ATP8A1: variants seen among roughly 807,000 people sequenced by gnomAD.
The protein encoded by ATP8A1 is phospholipid-transporting ATPase IA.
Under a neutral mutation model 177.7 loss-of-function variants are expected in ATP8A1, and 90 were observed. The ratio of observed to expected loss-of-function variants is 0.51; its 90% CI spans 0.43 to 0.60. ATP8A1 has a LOEUF of 0.60. Among genes scored for constraint, ATP8A1 ranks in the 20% least tolerant of loss-of-function variants. ATP8A1 has a pLI of 0.00. For missense variants in ATP8A1, 1,072 were observed against 1,392.8 expected (o/e 0.77, Z 3.67); for synonymous variants, 493 against 485.9 (o/e 1.01, Z -0.19).
chr4:42,579,255 T>C (rs1732775157), intron 11 of ATP8A1, among the ~76,000 whole-genome samples: 1 of 151,406 alleles, frequency 6.6e-6, no homozygotes, highest in South Asian at 2.1e-4. Context: ...ACTTACCACA[T>C]TACTGAGTTC....
intron 23 of ATP8A1, 141 bp from the exon 24 acceptor site, chr4:42,503,655 G>C: frequency 1.8e-6 from 1 of 566,796 alleles, no homozygotes; most frequent in East Asian, 3.2e-5. Flanking sequence ...CAGGTTTGTA[G>C]GAAGTTAAAC....
At chr4:42,512,548 C>G (rs1725110854) in intron 22 of ATP8A1, among the ~76,000 whole-genome samples, 2 of 152,170 alleles carry the variant, frequency 1.3e-5, no homozygotes, top group South Asian at 4.1e-4. Context: ...ATTTATATTT[C>G]AGAAAGCTTC....
rs556265632 is a variant in ATP8A1, at chr4:42,492,080, CTCATA to C, written c.2152-6417_2152-6413del. 2.1e-4 allele frequency among the ~76,000 whole-genome samples: 32 copies of C among 152,224 alleles called. No homozygotes were observed. The South Asian group carries it at 2.7e-3, about 13-fold the overall frequency. ...GGCTTCAGTAAATAACATGTGCTCT[CTCATA>C]TATGTCCCAGAGGGTGTCTATCAGT... On this transcript the variant is annotated intron_variant, in intron 24 of 36. Transcript: ENST00000381668.
intron 25 of ATP8A1, among the ~76,000 whole-genome samples, chr4:42,469,112 G>A (rs1432373359): frequency 6.6e-6 from 1 of 151,948 alleles, no homozygotes; most frequent in Non-Finnish European, 1.5e-5. Flanking sequence ...TTTTACCCCA[G>A]TTTATAGTTA....
At chr4:42,591,651 T>G (rs922008431) in intron 6 of ATP8A1, among the ~76,000 whole-genome samples, 2 of 152,154 alleles carry the variant, frequency 1.3e-5, no homozygotes, top group African/African-American at 4.8e-5. Flanking sequence ...AATTAACAGC[T>G]TGAGTTATTT....
At chr4:42,413,642 C>G (rs1333429006) in intron 36 of ATP8A1, among the ~76,000 whole-genome samples, 2 of 152,210 alleles carry the variant, frequency 1.3e-5, no homozygotes, top group African/African-American at 4.8e-5. Context: ...CACATCAGTT[C>G]ATTCTAGTGG....
At chr4:42,460,379 C>CTTTTT (rs35296572) in intron 27 of ATP8A1, among the ~76,000 whole-genome samples, 14 of 94,586 alleles carry the variant, frequency 1.5e-4, no homozygotes, top group Non-Finnish European at 1.8e-4. Context: ...ATGGATGGAT[C>CTTTTT]TTTTTTTTTT....
At chr4:42,498,682 AAAT>A (rs1177968387) in intron 24 of ATP8A1, among the ~76,000 whole-genome samples, 1 of 152,002 alleles carries the variant, frequency 6.6e-6, no homozygotes, top group Non-Finnish European at 1.5e-5. Flanking sequence ...TCTCCTCTAG[AAAT>A]AATAATACTA....
intron 35 of ATP8A1, among the ~76,000 whole-genome samples, chr4:42,417,826 T>G (rs1186484380): frequency 6.6e-6 from 1 of 152,182 alleles, no homozygotes; most frequent in Non-Finnish European, 1.5e-5. Flanking sequence ...TACACTAGGG[T>G]AGCTGTGGTG....
intron 20 of ATP8A1, among the ~76,000 whole-genome samples, chr4:42,529,206 TG>T (rs1347885327): frequency 6.6e-6 from 1 of 152,180 alleles, no homozygotes; most frequent in Non-Finnish European, 1.5e-5. Context: ...GTATTTGAGG[TG>T]TCAGTGGCAG....
chr4:42,465,220 G>T, intron 25 of ATP8A1, 144 bp from the exon 26 acceptor site: 1 of 736,402 alleles, frequency 1.4e-6, no homozygotes, highest in Non-Finnish European at 2.2e-6. Flanking sequence ...GTTTGCAAAT[G>T]TTTACTCATC....
At chr4:42,556,239 A>G in intron 15 of ATP8A1, 199 bp from the exon 16 acceptor site, 1 of 410,072 alleles carries the variant, frequency 2.4e-6, no homozygotes, top group South Asian at 8.1e-5. Flanking sequence ...TAAAATGTGA[A>G]AGATGTTTGC....
chr4:42,499,614 A>C (rs1723616858), intron 24 of ATP8A1, among the ~76,000 whole-genome samples: 1 of 152,238 alleles, frequency 6.6e-6, no homozygotes, highest in Non-Finnish European at 1.5e-5. Context: ...TATCTCAATG[A>C]AACATGTCTT....
chr4:42,499,529 C>T (rs1165102005), intron 24 of ATP8A1, among the ~76,000 whole-genome samples: 2 of 152,166 alleles, frequency 1.3e-5, no homozygotes, highest in Admixed American at 1.3e-4. Flanking sequence ...TTAAGTCACA[C>T]AGTTAATGGC....
Position 42,574,713 on chromosome 4 carries a change from A to T in ATP8A1, c.1207-6T>A, listed in dbSNP as rs187090757. ...TCAGAAAATATGTATTTAACCTAAA[A>T]AAGTTTAAAATTTCTCATTAATATT... On this transcript the variant is annotated splice_polypyrimidine_tract_variant and splice_region_variant and intron_variant, in intron 13 of 36. Transcript: ENST00000381668. The T allele has an allele frequency of 6.3e-7, 1 of 1,583,394 alleles. No homozygotes were observed. The highest frequency in any genetic ancestry group is 8.6e-7 in the Non-Finnish European group (1 of 1,166,004).
At position 42,507,284 on chromosome 4, in the gene ATP8A1, A is replaced by C. The variant is rs933223907; in HGVS notation, c.1948-130T>G. The C allele has an allele frequency of 3.1e-6, 3 of 958,260 alleles. No homozygotes were observed. The African/African-American group carries it at 5.0e-5, about 16-fold the overall frequency. The allele number at this position is 958,260 out of a possible 1,614,324, so 59.4% of individuals were successfully genotyped here. A position where few individuals can be genotyped will look rare whatever the true frequency, so the allele number is the denominator to read the frequency against. On this transcript the variant is annotated intron_variant, in intron 22 of 36. Coordinates refer to ENST00000381668, the MANE Select transcript of ATP8A1 (RefSeq NM_006095.2). Reference sequence around the variant, plus strand: ...TTCATGGACTTTGGTGTAAATTCCAACTATCCCATTGAGTTTTCTGAAATA... The same window carrying C: ...TTCATGGACTTTGGTGTAAATTCCACCTATCCCATTGAGTTTTCTGAAATA...
At chr4:42,507,796 A>AAAC (rs1553890657) in intron 22 of ATP8A1, among the ~76,000 whole-genome samples, 3 of 142,908 alleles carry the variant, frequency 2.1e-5, no homozygotes, top group African/African-American at 5.1e-5. Flanking sequence ...AAAAAAAAAA[A>AAAC]AAAAAAAAAA....
chr4:42,532,608 T>C (rs990787919), intron 20 of ATP8A1, among the ~76,000 whole-genome samples: 3 of 152,212 alleles, frequency 2.0e-5, no homozygotes, highest in African/African-American at 7.2e-5. Flanking sequence ...ATGCAATCCC[T>C]ATCAAAATAC....
intron 22 of ATP8A1, among the ~76,000 whole-genome samples, chr4:42,517,568 T>TGATAA (rs1488846835): frequency 6.6e-6 from 1 of 152,218 alleles, no homozygotes; most frequent in African/African-American, 2.4e-5. Flanking sequence ...ATATCCCATA[T>TGATAA]GATAATCCCA....
Sources: allele counts gnomAD v4.1 joint callset (sites outside exome capture counted in the v4.1 genomes callset), GRCh38; gene constraint gnomAD v4.1.1; transcripts MANE v1.5; gene names NCBI Gene and HGNC (gene_info 2026-07-23, HGNC 2026-07-21).